Variants in AGBL1 observed in about 807,000 individuals in gnomAD.
AGBL1 encodes the protein cytosolic carboxypeptidase 4.
AGBL1 carries 130 observed loss-of-function variants against 118.9 expected under a neutral mutation model. The ratio of observed to expected loss-of-function variants is 1.09; its 90% CI spans 0.95 to 1.26. AGBL1 has a LOEUF of 1.26. AGBL1 is among the 50% of genes most tolerant of loss of function. The pLI is 0.00. For missense variants in AGBL1, 1,584 were observed against 1,298.1 expected (o/e 1.22, Z -3.38); for synonymous variants, 555 against 478.9 (o/e 1.16, Z -2.08).
chr15:86,494,532 G>A (rs1002503127), intron 18 of AGBL1, among the ~76,000 whole-genome samples: 2 of 151,958 alleles, frequency 1.3e-5, no homozygotes, highest in African/African-American at 4.8e-5. Context: ...TCTCCAGTCT[G>A]GGTTGAGGAA....
chr15:86,465,626 T>C (rs1197656634), intron 18 of AGBL1, among the ~76,000 whole-genome samples: 2 of 152,224 alleles, frequency 1.3e-5, no homozygotes, highest in Non-Finnish European at 2.9e-5. Flanking sequence ...GCTCTGGATG[T>C]GTCTGTCTTA....
At chr15:86,400,884 G>A (rs1283628561) in intron 18 of AGBL1, among the ~76,000 whole-genome samples, 1 of 152,004 alleles carries the variant, frequency 6.6e-6, no homozygotes, top group African/African-American at 2.4e-5. Flanking sequence ...CACTTAGGTT[G>A]GTTCCATATC....
At chr15:86,492,922 C>T (rs2082802380) in intron 18 of AGBL1, among the ~76,000 whole-genome samples, 1 of 151,980 alleles carries the variant, frequency 6.6e-6, no homozygotes. Context: ...GGATTATAGG[C>T]TCACGCCTGT....
chr15:86,171,667 C>T (rs916672610), intron 5 of AGBL1, among the ~76,000 whole-genome samples: 1 of 152,082 alleles, frequency 6.6e-6, no homozygotes, highest in African/African-American at 2.4e-5. Context: ...TTCCTCTCCA[C>T]TCAGATGTCA....
Position 86,533,023 on chromosome 15 carries a change from G to A in AGBL1, c.2685+10084G>A, listed in dbSNP as rs1172043027. 4.1e-3 allele frequency among the ~76,000 whole-genome samples: 416 copies of A among 100,908 alleles called. 1 individual carries two copies. The highest frequency in any genetic ancestry group is 0.021 in the African/African-American group (394 of 18,902). The allele number at this position is 100,908 out of a possible 152,430, so 66.2% of individuals were successfully genotyped here. The stretch of plus-strand genomic sequence containing the variant: ...CATAAAAACCCTAGAAGAAAACCTA[G>A]GCATTACCATTCAGGACATAGGTGT... On this transcript the variant is annotated intron_variant, in intron 19 of 22. Coordinates refer to ENST00000614907, the MANE Select transcript of AGBL1 (RefSeq NM_001386094.1).
At chr15:86,125,856 GC>G (rs1567070784) in intron 1 of AGBL1, among the ~76,000 whole-genome samples, 1 of 152,224 alleles carries the variant, frequency 6.6e-6, no homozygotes. Context: ...TTAAGTGGGA[GC>G]ATTGAACTAA....
chr15:86,476,964 C>G (rs2082568958), intron 18 of AGBL1, among the ~76,000 whole-genome samples: 1 of 152,202 alleles, frequency 6.6e-6, no homozygotes, highest in African/African-American at 2.4e-5. Flanking sequence ...AACTGAACAA[C>G]CTGCTCCTGA....
chr15:86,349,518 C>T (rs768010576), intron 17 of AGBL1, among the ~76,000 whole-genome samples: 53 of 152,108 alleles, frequency 3.5e-4, no homozygotes, highest in Non-Finnish European at 2.6e-4. Context: ...GTTGGTATGT[C>T]AAGTAATTTG....
chr15:86,130,269 C>T (rs918167533), intron 1 of AGBL1, among the ~76,000 whole-genome samples: 1 of 152,174 alleles, frequency 6.6e-6, no homozygotes, highest in Non-Finnish European at 1.5e-5. Flanking sequence ...TCTCATTCTT[C>T]ATCTTCAGAG....
chr15:86,778,759 G>A (rs973728922), intron 22 of AGBL1, among the ~76,000 whole-genome samples: 1 of 152,050 alleles, frequency 6.6e-6, no homozygotes, highest in Non-Finnish European at 1.5e-5. Context: ...ATCATCACAT[G>A]GTCCTGAGGC....
At chr15:86,767,664 T>A (rs1185885635) in intron 22 of AGBL1, among the ~76,000 whole-genome samples, 1 of 151,978 alleles carries the variant, frequency 6.6e-6, no homozygotes, top group Non-Finnish European at 1.5e-5. Flanking sequence ...AATATTCCTA[T>A]CTTATAGTAG....
chr15:86,568,970 C>T (rs985964852), intron 21 of AGBL1, among the ~76,000 whole-genome samples: 5 of 151,050 alleles, frequency 3.3e-5, no homozygotes, highest in Non-Finnish European at 7.4e-5. Flanking sequence ...GTATGAGATA[C>T]TTTGTTGATC....
chr15:86,330,328 C>T (rs1006637049), intron 17 of AGBL1, among the ~76,000 whole-genome samples: 10 of 152,256 alleles, frequency 6.6e-5, no homozygotes, highest in Admixed American at 1.3e-4. Flanking sequence ...TAAAACCTGC[C>T]GACAGATGTG....
At chr15:86,705,975 A>T (rs1596388051) in intron 22 of AGBL1, among the ~76,000 whole-genome samples, 1 of 152,168 alleles carries the variant, frequency 6.6e-6, no homozygotes. Flanking sequence ...TTTGGAAAAA[A>T]AAAACTTTAA....
intron 1 of AGBL1, among the ~76,000 whole-genome samples, chr15:86,103,283 A>G (rs867551223): frequency 6.6e-6 from 1 of 152,168 alleles, no homozygotes; most frequent in Admixed American, 6.5e-5. Flanking sequence ...TTAATTGTAC[A>G]TTTGAAAAAT....
At position 86,633,818 on chromosome 15, in the gene AGBL1, GTA is replaced by G. The variant is rs201417120; in HGVS notation, c.2995-40444_2995-40443del. Among the ~76,000 whole-genome samples, 49 of 4,702 alleles carry G rather than the reference GTA, an allele frequency of 0.01. 1 individual carries two copies. In the South Asian group the frequency reaches 0.22, roughly 21 times the overall value. The allele number at this position is 4,702 out of a possible 152,430, so 3.1% of individuals were successfully genotyped here. A position where few individuals can be genotyped will look rare whatever the true frequency, so the allele number is the denominator to read the frequency against. On this transcript the variant is annotated intron_variant, in intron 21 of 22. Transcript: ENST00000614907. Reference sequence around the variant, plus strand: ...TATAATGTATATATATATAATGTATGTATATATATATAATGTATATATATATA... The same window carrying G: ...TATAATGTATATATATATAATGTATGTATATATATAATGTATATATATATA...
intron 22 of AGBL1, among the ~76,000 whole-genome samples, chr15:86,843,592 A>G (rs2079277011): frequency 6.6e-6 from 1 of 152,156 alleles, no homozygotes; most frequent in Non-Finnish European, 1.5e-5. Flanking sequence ...TCCCCCAGGC[A>G]GGGAAATAAG....
intron 22 of AGBL1, among the ~76,000 whole-genome samples, chr15:86,698,329 C>T (rs912785155): frequency 9.2e-5 from 14 of 151,836 alleles, no homozygotes; most frequent in Non-Finnish European, 1.5e-4. Context: ...ATTGGTTCTT[C>T]GAAATATCCC....
intron 22 of AGBL1, among the ~76,000 whole-genome samples, chr15:86,831,096 A>C (rs1411101927): frequency 6.6e-6 from 1 of 152,120 alleles, no homozygotes; most frequent in Non-Finnish European, 1.5e-5. Flanking sequence ...ACACCATCAG[A>C]TCTCCTGAGA....
Sources: gnomAD v4.1 joint callset for allele counts (sites outside exome capture counted in the v4.1 genomes callset) on GRCh38, gnomAD v4.1.1 for gene constraint, MANE v1.5 for transcripts, NCBI Gene and HGNC (gene_info 2026-07-23, HGNC 2026-07-21) for gene names.